Variants in CMKLR1 observed in about 807,000 individuals in gnomAD.
CMKLR1 encodes the protein chemerin chemokine-like receptor 1.
In CMKLR1, 6 loss-of-function variants were observed where a neutral mutation model predicts 8.2. The observed-to-expected ratio is 0.73, with a 90% CI of 0.40 to 1.44. CMKLR1 has a LOEUF of 1.44. CMKLR1 is among the 40% of genes most tolerant of loss of function. CMKLR1 has a pLI of 0.02. For synonymous variants in CMKLR1, 178 were observed against 181.2 expected (o/e 0.98, Z 0.14); for missense variants, 429 against 478.0 (o/e 0.90, Z 0.96).
chr12:108,326,145 AAG>A (rs748075684), intron 2 of CMKLR1, among the ~76,000 whole-genome samples: 1 of 152,218 alleles, frequency 6.6e-6, no homozygotes, highest in East Asian at 1.9e-4. Context: ...AAAAGGGAGG[AAG>A]AGAGAGGCCC....
In CMKLR1 at chr12:108,290,309, C is replaced by G. The variant is rs1326454217; in HGVS notation, c.*1532G>C. On this transcript the variant is annotated 3_prime_UTR_variant, in exon 4 of 4. Transcript: ENST00000550402. ...GTTCAAATCCAAGCTCCGGCAGAGA[C>G]TAGCTGGGTACCTTTGGGCAAGTTA... 1 of 152,200 alleles carries G rather than the reference C, an allele frequency of 6.6e-6. No individual in the cohort carries two copies. The highest frequency in any genetic ancestry group is 1.5e-5 in the Non-Finnish European group (1 of 68,042). 9.4% of individuals were successfully genotyped at this position (152,200 alleles called of 1,614,324 possible).
intron 3 of CMKLR1, among the ~76,000 whole-genome samples, chr12:108,293,223 G>C (rs547948260): frequency 2.6e-5 from 4 of 152,184 alleles, no homozygotes; most frequent in African/African-American, 4.8e-5. Flanking sequence ...ACTTACAAAT[G>C]AGGAAACTGA....
At chr12:108,305,088 G>A (rs556824321) in intron 2 of CMKLR1, among the ~76,000 whole-genome samples, 7 of 152,274 alleles carry the variant, frequency 4.6e-5, no homozygotes, top group African/African-American at 7.2e-5. Flanking sequence ...GAGGCCCCTC[G>A]GAGGACCATC....
chr12:108,291,903 T>C lies in CMKLR1; in HGVS notation c.1060A>G (p.Thr354Ala), dbSNP rs763248802. ...HSSYPSHRSFTKMSSMNERTS... is the reference protein window; with the variant it reads ...HSSYPSHRSFAKMSSMNERTS... ...CTCTCATTCATTGATGACATCTTGG[T>C]AAAGCTTCTATGGCTGGGGTAGGAA... The change falls in exon 4 of 4, where the codon ACC becomes GCC. Residue 354 changes from threonine (T) to alanine (A), a missense_variant. Physicochemically the swap from Thr to Ala is moderately conservative, Grantham distance 58. Transcript: ENST00000550402. 8 of 1,614,078 alleles carry C rather than the reference T, an allele frequency of 5.0e-6. No homozygotes were observed. In the Admixed American group the frequency reaches 1.2e-4, roughly 24 times the overall value.
intron 1 of CMKLR1, among the ~76,000 whole-genome samples, chr12:108,338,195 T>G (rs978479274): frequency 3.3e-5 from 5 of 151,646 alleles, no homozygotes; most frequent in Admixed American, 2.6e-4. Flanking sequence ...GAGGAGGGAG[T>G]GGAATATTTT....
chr12:108,321,484 T>C (rs1891860550), intron 2 of CMKLR1, among the ~76,000 whole-genome samples: 1 of 152,090 alleles, frequency 6.6e-6, no homozygotes, highest in African/African-American at 2.4e-5. Context: ...TATTGCATGA[T>C]GAGCAAAACA....
At chr12:108,336,069 T>G (rs184196413) in intron 1 of CMKLR1, among the ~76,000 whole-genome samples, 1 of 152,274 alleles carries the variant, frequency 6.6e-6, no homozygotes, top group East Asian at 1.9e-4. Context: ...GAAACCTTAT[T>G]GTGCAGCAAA....
chr12:108,335,903 G>C (rs1892209508), intron 1 of CMKLR1, among the ~76,000 whole-genome samples: 1 of 152,204 alleles, frequency 6.6e-6, no homozygotes, highest in Admixed American at 6.5e-5. Context: ...TAATTTCAAA[G>C]CCTCCATGCT....
chr12:108,288,240 A>G lies in CMKLR1; in HGVS notation c.*3601T>C, dbSNP rs1394158199. 6.6e-6 allele frequency: 1 copy of G among 152,170 alleles called. No individual in the cohort carries two copies. The highest frequency in any genetic ancestry group is 6.5e-5 in the Admixed American group (1 of 15,276). 9.4% of individuals were successfully genotyped at this position (152,170 alleles called of 1,614,324 possible). ...ATCCCAGCCCCAACAAGAGCATAAC[A>G]TGTTAGGGAGGAACGAGAGAGGGAG... On this transcript the variant is annotated 3_prime_UTR_variant, in exon 4 of 4. Transcript: ENST00000550402.
At chr12:108,302,791 T>C (rs1891312388) in intron 2 of CMKLR1, among the ~76,000 whole-genome samples, 1 of 152,110 alleles carries the variant, frequency 6.6e-6, no homozygotes, top group African/African-American at 2.4e-5. Flanking sequence ...CAGACGCACA[T>C]TGAACACATT....
At chr12:108,327,659 G>A (rs1892010060) in intron 2 of CMKLR1, among the ~76,000 whole-genome samples, 2 of 152,210 alleles carry the variant, frequency 1.3e-5, no homozygotes, top group Admixed American at 1.3e-4. Context: ...AGCCTGTTGT[G>A]ATCAGCCAAG....
At chr12:108,313,598 A>G (rs1234668715) in intron 2 of CMKLR1, among the ~76,000 whole-genome samples, 1 of 152,228 alleles carries the variant, frequency 6.6e-6, no homozygotes, top group Non-Finnish European at 1.5e-5. Flanking sequence ...CTGGTTTGCC[A>G]GAAACCAAGG....
intron 2 of CMKLR1, among the ~76,000 whole-genome samples, chr12:108,327,653 T>G (rs1892009528): frequency 6.6e-6 from 1 of 152,202 alleles, no homozygotes; most frequent in African/African-American, 2.4e-5. Context: ...ATAAGCAGCC[T>G]GTTGTGATCA....
At chr12:108,298,645 C>A (rs746297102) in intron 2 of CMKLR1, among the ~76,000 whole-genome samples, 1 of 152,186 alleles carries the variant, frequency 6.6e-6, no homozygotes, top group Non-Finnish European at 1.5e-5. Context: ...GACACACACA[C>A]GGGGGTTACT....
intron 2 of CMKLR1, among the ~76,000 whole-genome samples, chr12:108,311,116 A>C (rs995817133): frequency 1.3e-5 from 2 of 152,294 alleles, no homozygotes; most frequent in African/African-American, 4.8e-5. Flanking sequence ...CCTGCTTTCA[A>C]CTTTTCCCCA....
chr12:108,304,000 AG>A lies in CMKLR1; in HGVS notation c.-73-10337del, dbSNP rs926964807. Among the ~76,000 whole-genome samples, 4 of 152,192 alleles carry A rather than the reference AG, an allele frequency of 2.6e-5. 1 individual carries two copies. The highest frequency in any genetic ancestry group is 2.0e-4 in the Admixed American group (3 of 15,284). On this transcript the variant is annotated intron_variant, in intron 2 of 3. Transcript: ENST00000550402. ...TCTGCAGCCTCCCCCTAACCCTGCAAGGTCACTGGTATCAGTCCCACTTTAC... is the reference window on the plus strand; with the variant it reads ...TCTGCAGCCTCCCCCTAACCCTGCAAGTCACTGGTATCAGTCCCACTTTAC...
intron 2 of CMKLR1, among the ~76,000 whole-genome samples, chr12:108,329,088 G>C (rs1355843240): frequency 6.6e-6 from 1 of 152,200 alleles, no homozygotes; most frequent in Non-Finnish European, 1.5e-5. Flanking sequence ...ATGCCCACTG[G>C]AATTTCAAAC....
At chr12:108,333,634 T>A (rs1369995028) in intron 1 of CMKLR1, among the ~76,000 whole-genome samples, 2 of 152,186 alleles carry the variant, frequency 1.3e-5, no homozygotes, top group Admixed American at 1.3e-4. Flanking sequence ...CATGCCCACC[T>A]TATGAATGAG....
chr12:108,319,420 T>C (rs1891805618), intron 2 of CMKLR1, among the ~76,000 whole-genome samples: 1 of 152,160 alleles, frequency 6.6e-6, no homozygotes, highest in South Asian at 2.1e-4. Flanking sequence ...CCATGTTCAA[T>C]GTGTGATGGT....
Sources: gnomAD v4.1 joint callset for allele counts (sites outside exome capture counted in the v4.1 genomes callset) on GRCh38, gnomAD v4.1.1 for gene constraint, MANE v1.5 for transcripts, NCBI Gene and HGNC (gene_info 2026-07-23, HGNC 2026-07-21) for gene names.